Variants in CDH13 observed in about 807,000 individuals in gnomAD.
CDH13 encodes the protein cadherin-13.
CDH13 carries 24 observed loss-of-function variants against 63.8 expected under a neutral mutation model. The observed-to-expected ratio is 0.38, with a 90% CI of 0.27 to 0.53. The LOEUF is 0.53. Among genes scored for constraint, CDH13 ranks in the 20% least tolerant of loss-of-function variants. The probability of loss-of-function intolerance (pLI) is 0.85; values close to 1 mark genes in which losing one functional copy is unlikely to be tolerated. For missense variants in CDH13, 1,049 were observed against 903.1 expected, an observed-to-expected ratio of 1.16 and a Z score of -2.07; for synonymous variants, 503 against 355.3, an observed-to-expected ratio of 1.42 and a Z score of -4.67.
chr16:83,634,044 G>C (rs985903190), intron 8 of CDH13, among the ~76,000 whole-genome samples: 4 of 152,048 alleles, frequency 2.6e-5, no homozygotes, highest in Non-Finnish European at 5.9e-5. Context: ...ACAATACCAA[G>C]AGCAGGAAGT....
chr16:82,751,703 TA>T (rs33998437), intron 1 of CDH13, among the ~76,000 whole-genome samples: 68,719 of 139,776 alleles, frequency 0.49, 16,201 homozygotes, highest in East Asian at 0.77. Context: ...GGAAAACAGG[TA>T]AAAAAAAAAA....
intron 3 of CDH13, among the ~76,000 whole-genome samples, chr16:83,035,924 C>T (rs1916808875): frequency 6.6e-6 from 1 of 152,146 alleles, no homozygotes; most frequent in African/African-American, 2.4e-5. Context: ...TTACGTAATA[C>T]TTACTATGTG....
rs370047963 is a variant in CDH13, at chr16:83,163,392, C to T, written c.483+37891C>T. Among the ~76,000 whole-genome samples the T allele has an allele frequency of 1.3e-4, 20 of 152,078 alleles. No individual in the cohort carries two copies. In the East Asian group the frequency reaches 3.3e-3, roughly 25 times the overall value. ...CCATCTTGTGGTCAAAACCTGCACC[C>T]CAGGTAACATAAAATAAAAATAACA... is the stretch of plus-strand genomic sequence containing the variant. On this transcript the variant is annotated intron_variant, in intron 4 of 13. Transcript: ENST00000567109.
chr16:82,801,477 C>A (rs1349995469), intron 1 of CDH13, among the ~76,000 whole-genome samples: 1 of 152,222 alleles, frequency 6.6e-6, no homozygotes, highest in Non-Finnish European at 1.5e-5. Context: ...TCCCCACCCA[C>A]ACACTTTCCA....
intron 1 of CDH13, among the ~76,000 whole-genome samples, chr16:82,653,831 G>A (rs541927729): frequency 6.6e-6 from 1 of 152,318 alleles, no homozygotes; most frequent in South Asian, 2.1e-4. Context: ...GGAGACAGAT[G>A]CCTTTTGCAG....
At chr16:83,126,864 G>C (rs1037133834) in intron 4 of CDH13, among the ~76,000 whole-genome samples, 3 of 152,212 alleles carry the variant, frequency 2.0e-5, no homozygotes, top group African/African-American at 7.2e-5. Context: ...AAGCTAACAT[G>C]CTAGTGGGAA....
chr16:83,293,551 G>T (rs936098274), intron 5 of CDH13, among the ~76,000 whole-genome samples: 1 of 151,964 alleles, frequency 6.6e-6, no homozygotes, highest in African/African-American at 2.4e-5. Flanking sequence ...AGCTTGATTT[G>T]GTGTCTATAT....
chr16:83,576,782 T>C (rs6563939), intron 7 of CDH13, among the ~76,000 whole-genome samples: 100,916 of 152,038 alleles, frequency 0.66, 33,587 homozygotes, highest in East Asian at 0.79. Flanking sequence ...TTTTTTCATG[T>C]GTTCATTGGC....
intron 1 of CDH13, among the ~76,000 whole-genome samples, chr16:82,809,720 G>A (rs1300551183): frequency 6.6e-6 from 1 of 152,070 alleles, no homozygotes; most frequent in African/African-American, 2.4e-5. Flanking sequence ...GTTCCCAAGA[G>A]GGAATTTGGA....
At chr16:82,995,351 C>T (rs1056186427) in intron 2 of CDH13, among the ~76,000 whole-genome samples, 1 of 152,150 alleles carries the variant, frequency 6.6e-6, no homozygotes, top group Non-Finnish European at 1.5e-5. Context: ...TGGGTGATGG[C>T]CACTAAGACA....
intron 10 of CDH13, among the ~76,000 whole-genome samples, chr16:83,727,864 G>A (rs1423658132): frequency 6.6e-6 from 1 of 152,102 alleles, no homozygotes; most frequent in Admixed American, 6.6e-5. Flanking sequence ...TGGCGGGGAG[G>A]GCAGCCATTC....
chr16:83,098,218 T>TAA (rs1182831410), intron 3 of CDH13, among the ~76,000 whole-genome samples: 2 of 152,206 alleles, frequency 1.3e-5, no homozygotes, highest in East Asian at 3.9e-4. Context: ...TTATCACAGT[T>TAA]CGTGTTAAAT....
intron 1 of CDH13, among the ~76,000 whole-genome samples, chr16:82,665,766 C>G (rs1311150297): frequency 1.3e-5 from 2 of 152,156 alleles, no homozygotes; most frequent in South Asian, 4.2e-4. Flanking sequence ...ATTGGACCTA[C>G]TGAACAGCAA....
At chr16:82,994,955 AT>A (rs941540385) in intron 2 of CDH13, among the ~76,000 whole-genome samples, 1 of 152,188 alleles carries the variant, frequency 6.6e-6, no homozygotes, top group Non-Finnish European at 1.5e-5. Context: ...CCATTTCTTC[AT>A]GGGTAAAATT....
At chr16:82,978,588 A>C (rs1027192606) in intron 2 of CDH13, among the ~76,000 whole-genome samples, 3 of 152,244 alleles carry the variant, frequency 2.0e-5, no homozygotes, top group Admixed American at 1.3e-4. Context: ...CGGTGGGTGC[A>C]AGCCCCAAGC....
At chr16:83,489,002 C>T (rs907925104) in intron 7 of CDH13, among the ~76,000 whole-genome samples, 8 of 152,154 alleles carry the variant, frequency 5.3e-5, no homozygotes, top group Non-Finnish European at 1.0e-4. Context: ...CTCTATTCCC[C>T]ACTTGACACG....
chr16:83,168,046 T>C (rs952904266), intron 4 of CDH13, among the ~76,000 whole-genome samples: 1 of 151,826 alleles, frequency 6.6e-6, no homozygotes, highest in African/African-American at 2.4e-5. Context: ...TGGGGACTAC[T>C]AGAGTGGGGA....
chr16:83,199,630 C>G (rs529599071), intron 4 of CDH13, among the ~76,000 whole-genome samples: 5 of 152,310 alleles, frequency 3.3e-5, no homozygotes, highest in Admixed American at 6.5e-5. Context: ...CATTTTAAAC[C>G]CTTTTAATGA....
chr16:82,650,076 G>A (rs1251154094), intron 1 of CDH13, among the ~76,000 whole-genome samples: 1 of 152,200 alleles, frequency 6.6e-6, no homozygotes, highest in Non-Finnish European at 1.5e-5. Context: ...AATGTTCTCT[G>A]AGAAAGTACA....
Sources: allele counts gnomAD v4.1 joint callset (sites outside exome capture counted in the v4.1 genomes callset), GRCh38; gene constraint gnomAD v4.1.1; transcripts MANE v1.5; gene names NCBI Gene and HGNC (gene_info 2026-07-23, HGNC 2026-07-21).